IST1: variants seen among roughly 807,000 people sequenced by gnomAD.
IST1 encodes the protein IST1 homolog.
Under a neutral mutation model 37.0 loss-of-function variants are expected in IST1, and 23 were observed. The ratio of observed to expected loss-of-function variants is 0.62; its 90% confidence interval spans 0.45 to 0.88. IST1 has a LOEUF of 0.88. Ranked by LOEUF, IST1 falls within the 40% of genes least tolerant of loss-of-function variation. The pLI, the probability that IST1 is intolerant of heterozygous loss-of-function variation, is 0.00. For synonymous variants in IST1, 180 were observed against 161.7 expected, an observed-to-expected ratio of 1.11 and a Z score of -0.86; for missense variants, 488 against 445.4, an observed-to-expected ratio of 1.10 and a Z score of -0.86.
At chr16:71,911,863 C>A (rs903685508) in intron 1 of IST1, among the ~76,000 whole-genome samples, 2 of 151,916 alleles carry the variant, frequency 1.3e-5, no homozygotes, top group Non-Finnish European at 2.9e-5. Flanking sequence ...ACTACAGGCT[C>A]GCACCACCAT....
In IST1 at chr16:71,929,780, A is replaced by AAGAT. The variant is rs764430446; in HGVS notation, c.*1969_*1972dup. On this transcript the variant is annotated 3_prime_UTR_variant, in exon 10 of 10. Coordinates refer to ENST00000378799, the MANE Select transcript of IST1 (RefSeq NM_001270975.2). ...GATTTTTAAAAAATTAGTAAATGTAAAGATACTATTTCTTTAATAATTTGC... is the reference window on the plus strand; with the variant it reads ...GATTTTTAAAAAATTAGTAAATGTAAAGATAGATACTATTTCTTTAATAATTTGC... The AAGAT allele has an allele frequency of 3.3e-5, 39 of 1,174,412 alleles. No homozygotes were observed. The highest frequency in any genetic ancestry group is 4.5e-5 in the Non-Finnish European group (38 of 849,738). 72.7% of individuals were successfully genotyped at this position (1,174,412 alleles called of 1,614,324 possible). A position where few individuals can be genotyped will look rare whatever the true frequency, so the allele number is the denominator to read the frequency against.
chr16:71,912,041 G>A (rs2037366842), intron 1 of IST1, among the ~76,000 whole-genome samples: 1 of 151,856 alleles, frequency 6.6e-6, no homozygotes, highest in Non-Finnish European at 1.5e-5. Context: ...TTGAGAGGTG[G>A]TGCCAATTTA....
At chr16:71,911,808 C>T (rs886617050) in intron 1 of IST1, among the ~76,000 whole-genome samples, 34 of 150,722 alleles carry the variant, frequency 2.3e-4, no homozygotes, top group African/African-American at 7.6e-4. Context: ...CCTTGACTTC[C>T]CAGGCTCCAG....
intron 3 of IST1, 65 bp from the exon 4 acceptor site, chr16:71,916,982 A>T: frequency 3.7e-6 from 4 of 1,084,378 alleles, no homozygotes; most frequent in Non-Finnish European, 5.4e-6. Context: ...AAGTATATGA[A>T]ACAAAAGCTA....
chr16:71,914,281 C>T (rs1184657298), intron 1 of IST1, among the ~76,000 whole-genome samples: 1 of 151,564 alleles, frequency 6.6e-6, no homozygotes, highest in African/African-American at 2.4e-5. Context: ...GTCTCAGTCT[C>T]CCGAGTAGCT....
Position 71,929,936 on chromosome 16 carries a change from A to C in IST1, c.*2123A>C. The C allele has an allele frequency of 7.9e-7, 1 of 1,261,638 alleles. No homozygotes were observed. The highest frequency in any genetic ancestry group is 1.7e-5 in the South Asian group (1 of 60,540). The allele number at this position is 1,261,638 out of a possible 1,614,324, so 78.2% of individuals were successfully genotyped here. ...AGCTGGCAGAGCTTTTGAAACTAAT[A>C]AAGGGAATATGATACTGTGCATTAT... On this transcript the variant is annotated 3_prime_UTR_variant, in exon 10 of 10. Transcript: ENST00000378799.
intron 7 of IST1, 88 bp from the exon 8 acceptor site, chr16:71,923,200 A>G (rs2037650622): frequency 3.0e-6 from 2 of 672,346 alleles, no homozygotes; most frequent in Non-Finnish European, 5.2e-6. Flanking sequence ...GAGAATATAA[A>G]TGTATTTCTT....
chr16:71,912,439 G>A (rs577094558), intron 1 of IST1, among the ~76,000 whole-genome samples: 4 of 152,064 alleles, frequency 2.6e-5, no homozygotes, highest in Admixed American at 2.0e-4. Flanking sequence ...GGGTTTCACC[G>A]TGTTAGCCAG....
intron 8 of IST1, chr16:71,924,171 A>G: frequency 2.2e-6 from 1 of 455,958 alleles, no homozygotes; most frequent in Non-Finnish European, 4.4e-6. Flanking sequence ...CGTTGGTAGG[A>G]ATGAGGTCGA....
chr16:71,914,170 CTTT>C (rs35711807), intron 1 of IST1, among the ~76,000 whole-genome samples: 4 of 135,068 alleles, frequency 3.0e-5, no homozygotes, highest in Admixed American at 7.5e-5. Flanking sequence ...GGGGTTGTAC[CTTT>C]TTTTTTTTTT....
Position 71,927,883 on chromosome 16 carries a change from T to A in IST1, c.*70T>A. On this transcript the variant is annotated 3_prime_UTR_variant, in exon 10 of 10. Transcript: ENST00000378799. ...AGCAATTTCTCCTTGTAACAAAGAA[T>A]CTCCATGAAATTCTGTTTCATCTGT... 1 of 1,095,536 alleles carries A rather than the reference T, an allele frequency of 9.1e-7. No homozygotes were observed. The highest frequency in any genetic ancestry group is 1.4e-6 in the Non-Finnish European group (1 of 723,640). The allele number at this position is 1,095,536 out of a possible 1,614,324, so 67.9% of individuals were successfully genotyped here.
chr16:71,913,099 G>A (rs986093024), intron 1 of IST1, among the ~76,000 whole-genome samples: 3 of 152,102 alleles, frequency 2.0e-5, no homozygotes, highest in African/African-American at 7.2e-5. Context: ...TCTGCTTTCC[G>A]TTCTTTTGGA....
At chr16:71,918,417 CTTTTT>C (rs71695136) in intron 4 of IST1, among the ~76,000 whole-genome samples, 1 of 115,334 alleles carries the variant, frequency 8.7e-6, no homozygotes, top group African/African-American at 3.2e-5. Flanking sequence ...CTTATGTAGG[CTTTTT>C]TTTTTTTTTT....
chr16:71,914,452 A>G (rs182025491), intron 1 of IST1, among the ~76,000 whole-genome samples: 68 of 151,964 alleles, frequency 4.5e-4, no homozygotes, highest in Non-Finnish European at 7.5e-4. Flanking sequence ...GAGCCGCCGC[A>G]CCCAGCAAGG....
chr16:71,926,590 C>G (rs2037749379), intron 9 of IST1, among the ~76,000 whole-genome samples: 1 of 152,038 alleles, frequency 6.6e-6, no homozygotes. Flanking sequence ...TTGTGATCTG[C>G]CCACATCGGC....
At chr16:71,923,216 C>T in intron 7 of IST1, 72 bp from the exon 8 acceptor site, 4 of 779,384 alleles carry the variant, frequency 5.1e-6, no homozygotes, top group Non-Finnish European at 8.8e-6. Context: ...TTCTTTCTCC[C>T]TTCCCATACC....
chr16:71,921,164 AAG>A (rs1468614194), intron 5 of IST1, 177 bp from the exon 6 acceptor site: 10 of 605,400 alleles, frequency 1.7e-5, no homozygotes, highest in Admixed American at 5.8e-5. Context: ...GAGAATGTGA[AAG>A]AGAGACTTGG....
intron 1 of IST1, among the ~76,000 whole-genome samples, chr16:71,911,710 A>ATTTTTTTTTTTTTTTTTTTTTTTTTTTTT (rs550809762): frequency 1.1e-5 from 1 of 90,898 alleles, no homozygotes; most frequent in Non-Finnish European, 2.1e-5. Flanking sequence ...TTAAACTTCG[A>ATTTTTTTTTTTTTTTTTTTTTTTTTTTTT]TTTTTTTTTT....
intron 1 of IST1, among the ~76,000 whole-genome samples, chr16:71,911,391 G>A (rs1480057202): frequency 6.6e-6 from 1 of 151,906 alleles, no homozygotes; most frequent in Non-Finnish European, 1.5e-5. Flanking sequence ...AGTTCAGCCA[G>A]GTGTGGTGGT....
Sources: gnomAD v4.1 joint callset for allele counts (sites outside exome capture counted in the v4.1 genomes callset) on GRCh38, gnomAD v4.1.1 for gene constraint, MANE v1.5 for transcripts, NCBI Gene and HGNC (gene_info 2026-07-23, HGNC 2026-07-21) for gene names.